MBP: variants seen among roughly 807,000 people sequenced by gnomAD.
MBP encodes Golli-MBP.
In MBP, 16 loss-of-function variants were observed where a neutral mutation model predicts 35.8. That is an observed-to-expected ratio of 0.45 (90% CI 0.30 to 0.68). The LOEUF (loss-of-function observed/expected upper bound fraction) is 0.68. MBP is among the 30% of genes least tolerant of loss of function. The pLI is 0.08. For synonymous variants in MBP, 143 were observed against 159.6 expected, an observed-to-expected ratio of 0.90 and a Z score of 0.78; for missense variants, 380 against 404.7, an observed-to-expected ratio of 0.94 and a Z score of 0.52.
chr18:77,052,175 A>G (rs11150997), intron 3 of MBP, among the ~76,000 whole-genome samples: 121,628 of 151,902 alleles, frequency 0.8, 54,282 homozygotes, highest in Non-Finnish European at 0.99. Context: ...GGGCGATCCA[A>G]CAGCCACACA....
At chr18:77,093,679 G>A (rs1306023508) in intron 2 of MBP, among the ~76,000 whole-genome samples, 5 of 152,168 alleles carry the variant, frequency 3.3e-5, no homozygotes, top group Non-Finnish European at 7.4e-5. Flanking sequence ...CTGCTATCAA[G>A]GGTGAACCTC....
chr18:77,102,413 T>G lies in MBP; in HGVS notation c.51+2798A>C, dbSNP rs1033601125. ...GTTTTCTTTTGTGATTCAAGTTTAATGCTCTACTAAGCTATGCAGCATCAC... is the reference window on the plus strand; with the variant it reads ...GTTTTCTTTTGTGATTCAAGTTTAAGGCTCTACTAAGCTATGCAGCATCAC... On this transcript the variant is annotated intron_variant, in intron 2 of 8. Transcript: ENST00000355994. The surrounding 1 kb of genome is among the most constrained non-coding windows in gnomAD (Gnocchi z 4.4). Among the ~76,000 whole-genome samples, 1 of 152,194 alleles carries G rather than the reference T, an allele frequency of 6.6e-6. No homozygotes were observed. Among genetic ancestry groups the G allele is most frequent in the African/African-American group, 2.4e-5 (1 of 41,454 alleles).
intron 3 of MBP, among the ~76,000 whole-genome samples, chr18:77,041,919 AAAGTAT>A (rs1973020143): frequency 1.5e-5 from 2 of 135,922 alleles, no homozygotes; most frequent in African/African-American, 5.8e-5. Flanking sequence ...CCTAAGACTT[AAAGTAT>A]AATTAAAAAA....
chr18:76,985,215 G>A, intron 7 of MBP: 3 of 1,408,718 alleles, frequency 2.1e-6, no homozygotes, highest in Non-Finnish European at 2.8e-6. Flanking sequence ...TTCACGCTGT[G>A]GGGTGTTCAA....
At chr18:77,013,794 A>C in intron 4 of MBP, 3 of 985,426 alleles carry the variant, frequency 3.0e-6, no homozygotes, top group Non-Finnish European at 3.6e-6. Flanking sequence ...TGCTTTGGGA[A>C]CTATCCAAGT....
At chr18:77,092,798 G>A (rs1975590013) in intron 2 of MBP, among the ~76,000 whole-genome samples, 2 of 152,094 alleles carry the variant, frequency 1.3e-5, no homozygotes, top group Admixed American at 6.5e-5. Flanking sequence ...CTCATTTCAC[G>A]AAATCGGCCG....
chr18:77,029,005 G>C (rs1238114967), intron 3 of MBP, among the ~76,000 whole-genome samples: 3 of 109,360 alleles, frequency 2.7e-5, no homozygotes, highest in Non-Finnish European at 7.0e-5. Flanking sequence ...TTCCCAGACG[G>C]GGTGGCGGCC....
chr18:76,991,439 C>T (rs546439901), intron 4 of MBP, among the ~76,000 whole-genome samples: 8 of 152,316 alleles, frequency 5.3e-5, no homozygotes, highest in African/African-American at 9.6e-5. Context: ...ACATAGGCGA[C>T]GCAGGGGATG....
intron 1 of MBP, among the ~76,000 whole-genome samples, chr18:77,106,342 C>G (rs1976275606): frequency 6.6e-6 from 1 of 152,148 alleles, no homozygotes; most frequent in African/African-American, 2.4e-5. Context: ...TACCGGGGTC[C>G]CTTTTTGGTG....
Position 76,988,580 on chromosome 18 carries a change from C to G in MBP, c.718-53G>C. 1.9e-6 allele frequency: 3 copies of G among 1,582,566 alleles called. No individual in the cohort carries two copies. The highest frequency in any genetic ancestry group is 2.6e-6 in the Non-Finnish European group (3 of 1,164,368). ...ACATGGTGGTCAGTGAAGGGAAAGT[C>G]CTTTCAATCAACAGGAAACACAGTC... On this transcript the variant is annotated intron_variant, in intron 6 of 8. Coordinates refer to ENST00000355994, the MANE Select transcript of MBP (RefSeq NM_001025101.2). The surrounding 1 kb of genome is among the most constrained non-coding windows in gnomAD (Gnocchi z 5.2).
In MBP at chr18:76,989,280, G is replaced by A. The variant is rs938720398; in HGVS notation, c.682-368C>T. 6.6e-6 allele frequency among the ~76,000 whole-genome samples: 1 copy of A among 152,146 alleles called. No homozygotes were observed. The stretch of plus-strand genomic sequence containing the variant: ...CCCTCTGACATTCAGAGCTTCCAAG[G>A]GGATGTCCCCAGGTCTGCAGCTCCT... On this transcript the variant is annotated intron_variant, in intron 5 of 8. Transcript: ENST00000355994. The surrounding 1 kb of genome is among the most constrained non-coding windows in gnomAD (Gnocchi z 4.0).
chr18:77,028,551 T>A (rs111802185), intron 3 of MBP, among the ~76,000 whole-genome samples: 3 of 93,212 alleles, frequency 3.2e-5, no homozygotes, highest in Non-Finnish European at 5.4e-5. Context: ...GGCTCCTCAC[T>A]TCCCAGTAGG....
chr18:76,986,925 C>A, intron 7 of MBP: 1 of 985,446 alleles, frequency 1.0e-6, no homozygotes, highest in Non-Finnish European at 1.2e-6. Flanking sequence ...CACAACACAG[C>A]TTAGAAAGAG....
At chr18:77,023,078 A>G (rs778251986) in intron 3 of MBP, among the ~76,000 whole-genome samples, 5 of 152,224 alleles carry the variant, frequency 3.3e-5, no homozygotes, top group Non-Finnish European at 7.3e-5. Context: ...CAACAACACC[A>G]CACCCTAATC....
At position 76,988,058 on chromosome 18, in the gene MBP, C is replaced by T; in HGVS notation, c.750+437G>A. ...TTTAGCCTCTTTTTCTGTTCATCAG[C>T]AGAATCATTTTCCCAGTGTCAGCAT... is the stretch of plus-strand genomic sequence containing the variant. On this transcript the variant is annotated intron_variant, in intron 7 of 8. Coordinates refer to ENST00000355994, the MANE Select transcript of MBP (RefSeq NM_001025101.2). This position sits in a 1 kb window ranked among gnomAD's most constrained non-coding sequence, Gnocchi z 5.2. 7.0e-7 allele frequency: 1 copy of T among 1,434,494 alleles called. No homozygotes were observed. Among genetic ancestry groups the T allele is most frequent in the Non-Finnish European group, 9.1e-7 (1 of 1,095,780 alleles). 88.9% of individuals were successfully genotyped at this position (1,434,494 alleles called of 1,614,324 possible).
At chr18:76,987,685 C>G (rs2123109379) in intron 7 of MBP, 1 of 991,046 alleles carries the variant, frequency 1.0e-6, no homozygotes, top group East Asian at 1.1e-4. Context: ...GAGACAGACA[C>G]AACCTATCTA....
rs907431986 is a variant in MBP, at chr18:76,978,936, A to G, written c.*1491T>C. The G allele has an allele frequency of 6.6e-6, 1 of 152,238 alleles. No homozygotes were observed. The highest frequency in any genetic ancestry group is 1.5e-5 in the Non-Finnish European group (1 of 68,042). The allele number at this position is 152,238 out of a possible 1,614,324, so 9.4% of individuals were successfully genotyped here. The stretch of plus-strand genomic sequence containing the variant: ...GCTGTGTGGGTGCGGCCACGTATGG[A>G]TCGCAGAGCCGACCTCAGCTCAGCG... On this transcript the variant is annotated 3_prime_UTR_variant, in exon 9 of 9. Transcript: ENST00000355994.
At chr18:77,041,333 C>A (rs2144624725) in intron 3 of MBP, among the ~76,000 whole-genome samples, 1 of 152,262 alleles carries the variant, frequency 6.6e-6, no homozygotes, top group South Asian at 2.1e-4. Flanking sequence ...GTTGGTGGGA[C>A]TGTAAACTAG....
intron 4 of MBP, chr18:77,015,110 C>T: frequency 2.0e-6 from 2 of 982,898 alleles, no homozygotes; most frequent in Non-Finnish European, 2.4e-6. Context: ...AGAAAAACAT[C>T]TATGTGTGTC....
Sources: allele counts gnomAD v4.1 joint callset (sites outside exome capture counted in the v4.1 genomes callset), GRCh38; gene constraint gnomAD v4.1.1; non-coding constraint Gnocchi (gnomAD v3.1); transcripts MANE v1.5; gene names NCBI Gene and HGNC (gene_info 2026-07-23, HGNC 2026-07-21).